Variants in USP25 observed in about 807,000 individuals in gnomAD.
The protein encoded by USP25 is ubiquitin carboxyl-terminal hydrolase 25.
In USP25, 85 loss-of-function variants were observed where a neutral mutation model predicts 158.5. The observed-to-expected ratio is 0.54, with a 90% confidence interval of 0.45 to 0.64. USP25 has a LOEUF of 0.64. USP25 is among the 30% of genes least tolerant of loss of function. The pLI, the probability that USP25 is intolerant of heterozygous loss-of-function variation, is 0.00. For missense variants in USP25, 1,242 were observed against 1,327.3 expected, an observed-to-expected ratio of 0.94 and a Z score of 1.00; for synonymous variants, 464 against 460.4, an observed-to-expected ratio of 1.01 and a Z score of -0.10.
At chr21:15,811,106 A>T in intron 8 of USP25, 31 bp from the exon 9 acceptor site, 1 of 1,577,422 alleles carries the variant, frequency 6.3e-7, no homozygotes. Flanking sequence ...CGAAAATTGT[A>T]ATCACATTTA....
At chr21:15,852,112 C>T (rs1006350406) in intron 20 of USP25, among the ~76,000 whole-genome samples, 1 of 152,088 alleles carries the variant, frequency 6.6e-6, no homozygotes, top group Non-Finnish European at 1.5e-5. Context: ...TAAAAGTTTT[C>T]AAGTTGCTTT....
intron 14 of USP25, among the ~76,000 whole-genome samples, chr21:15,828,502 C>A (rs1379677602): frequency 6.6e-6 from 1 of 152,052 alleles, no homozygotes; most frequent in African/African-American, 2.4e-5. Context: ...AGGGACGAAT[C>A]GAATGATTCT....
At chr21:15,803,990 A>G (rs1234143331) in intron 6 of USP25, among the ~76,000 whole-genome samples, 1 of 151,982 alleles carries the variant, frequency 6.6e-6, no homozygotes, top group Non-Finnish European at 1.5e-5. Context: ...TTTGGAAGAA[A>G]ATTTTCATGT....
chr21:15,867,542 A>G lies in USP25; in HGVS notation c.2805+1198A>G, dbSNP rs942975185. On this transcript the variant is annotated intron_variant, in intron 22 of 25. Transcript: ENST00000400183. ...AATTTTTGTTGTCAAAAGCAAGGCAATGAAAATAAGCGAAAAGTAAAATAC... is the reference window on the plus strand; with the variant it reads ...AATTTTTGTTGTCAAAAGCAAGGCAGTGAAAATAAGCGAAAAGTAAAATAC... 4.0e-4 allele frequency among the ~76,000 whole-genome samples: 61 copies of G among 152,310 alleles called. 1 individual carries two copies. The highest frequency in any genetic ancestry group is 4.3e-4 in the Non-Finnish European group (29 of 67,994).
Position 15,824,516 on chromosome 21 carries a change from T to G in USP25, c.1208+350T>G, listed in dbSNP as rs539108761. ...ATTGTATCTATCTATCTTTCTGTCT[T>G]TCTTTCTGTCTCTCTGTCTTCCTGT... On this transcript the variant is annotated intron_variant, in intron 11 of 25. Transcript: ENST00000400183. Among the ~76,000 whole-genome samples the G allele has an allele frequency of 6.0e-5, 9 of 149,012 alleles. No individual in the cohort carries two copies. The East Asian group carries it at 1.7e-3, about 29-fold the overall frequency.
intron 4 of USP25, among the ~76,000 whole-genome samples, chr21:15,789,459 G>C (rs894359193): frequency 6.6e-6 from 1 of 152,020 alleles, no homozygotes; most frequent in African/African-American, 2.4e-5. Flanking sequence ...AGAAGGATTT[G>C]TTTCTTGTTA....
intron 1 of USP25, among the ~76,000 whole-genome samples, chr21:15,742,107 CTTT>C (rs11339410): frequency 3.6e-5 from 5 of 140,790 alleles, no homozygotes; most frequent in African/African-American, 1.3e-4. Context: ...AAGATACTTC[CTTT>C]TTTTTTTTTT....
At chr21:15,874,660 A>G (rs2040029142) in intron 24 of USP25, 134 bp downstream of exon 24, 2 of 797,936 alleles carry the variant, frequency 2.5e-6, no homozygotes, top group Non-Finnish European at 3.7e-6. Context: ...AACTGGTTCT[A>G]GTCCCTTCAG....
chr21:15,805,213 A>C lies in USP25; in HGVS notation c.735A>C (p.Ala245=). ...GGAAGTATGTTGATCCATCAAGAGC[A>C]GTTGAAATTCTTAAGGATGCTTTCA... ...TKRKYVDPSR[A]VEILKDAFKS... The change falls in exon 7 of 26, where the codon GCA becomes GCC. Residue 245 remains alanine, a synonymous_variant. Transcript: ENST00000400183. The C allele has an allele frequency of 6.2e-7, 1 of 1,607,764 alleles. No homozygotes were observed. The highest frequency in any genetic ancestry group is 2.3e-5 in the East Asian group (1 of 44,434).
In USP25 at chr21:15,878,616, C is replaced by T; in HGVS notation, c.*141C>T. The T allele has an allele frequency of 1.1e-6, 1 of 882,044 alleles. No homozygotes were observed. Among genetic ancestry groups the T allele is most frequent in the Non-Finnish European group, 1.6e-6 (1 of 623,970 alleles). The allele number at this position is 882,044 out of a possible 1,614,324, so 54.6% of individuals were successfully genotyped here. A position where few individuals can be genotyped will look rare whatever the true frequency, so the allele number is the denominator to read the frequency against. On this transcript the variant is annotated 3_prime_UTR_variant, in exon 26 of 26. Transcript: ENST00000400183. The stretch of plus-strand genomic sequence containing the variant: ...AACTGCAAAAGACAAAATGACTATA[C>T]AGACTTTAGTCAGACTGCAGACAAT...
intron 24 of USP25, chr21:15,876,093 A>G (rs1474738159): frequency 1.3e-5 from 2 of 152,172 alleles, no homozygotes; most frequent in African/African-American, 4.8e-5. Context: ...TGCCAAACTT[A>G]CTAGTTTTTC....
intron 12 of USP25, among the ~76,000 whole-genome samples, chr21:15,825,897 A>G (rs1353678937): frequency 6.6e-6 from 1 of 152,186 alleles, no homozygotes; most frequent in Admixed American, 6.5e-5. Flanking sequence ...CAGATCTAAA[A>G]ATAAAAACAG....
At chr21:15,739,472 G>A (rs1325299465) in intron 1 of USP25, among the ~76,000 whole-genome samples, 1 of 152,072 alleles carries the variant, frequency 6.6e-6, no homozygotes, top group African/African-American at 2.4e-5. Context: ...GTGGTGGAGG[G>A]GTGCTGGTAG....
At chr21:15,874,665 C>T (rs1024953891) in intron 24 of USP25, 139 bp downstream of exon 24, 2 of 734,918 alleles carry the variant, frequency 2.7e-6, no homozygotes, top group Non-Finnish European at 4.1e-6. Flanking sequence ...GTTCTAGTCC[C>T]TTCAGATGGA....
intron 4 of USP25, among the ~76,000 whole-genome samples, chr21:15,785,350 A>G (rs9974439): frequency 0.019 from 2,849 of 152,290 alleles, 97 homozygotes; most frequent in African/African-American, 0.062. Flanking sequence ...ATTTAGAAAC[A>G]TGAGACTTAA....
intron 16 of USP25, among the ~76,000 whole-genome samples, chr21:15,831,956 ATCTCCCC>A (rs2037825620): frequency 1.3e-5 from 2 of 152,148 alleles, no homozygotes; most frequent in Non-Finnish European, 2.9e-5. Flanking sequence ...GCCTCTGATT[ATCTCCCC>A]ACCTTCATTG....
Position 15,824,891 on chromosome 21 carries a change from G to A in USP25, c.1209-75G>A, listed in dbSNP as rs888711830. On this transcript the variant is annotated intron_variant, in intron 11 of 25. Transcript: ENST00000400183. ...TTGGCGTCCCAGAGTGGTAGGCCGGGTACGCTGGCATCTGGCCATATTGCA... is the reference window on the plus strand; with the variant it reads ...TTGGCGTCCCAGAGTGGTAGGCCGGATACGCTGGCATCTGGCCATATTGCA... The A allele has an allele frequency of 4.4e-5, 54 of 1,214,528 alleles. No homozygotes were observed. In the African/African-American group the frequency reaches 6.6e-4, roughly 15 times the overall value. 75.2% of individuals were successfully genotyped at this position (1,214,528 alleles called of 1,614,324 possible).
intron 1 of USP25, among the ~76,000 whole-genome samples, chr21:15,746,946 G>A (rs1213537312): frequency 6.6e-6 from 1 of 152,022 alleles, no homozygotes; most frequent in African/African-American, 2.4e-5. Flanking sequence ...TACTAAGTAT[G>A]GTTTTAGTTG....
At position 15,778,441 on chromosome 21, in the gene USP25, C is replaced by T. The variant is rs73185428; in HGVS notation, c.392+414C>T. Among the ~76,000 whole-genome samples the T allele has an allele frequency of 2.9e-3, 445 of 152,152 alleles. 3 individuals carry two copies. Among genetic ancestry groups the T allele is most frequent in the Middle Eastern group, 6.8e-3 (2 of 294 alleles). On this transcript the variant is annotated intron_variant, in intron 4 of 25. Coordinates refer to ENST00000400183, the MANE Select transcript of USP25 (RefSeq NM_001283041.3). ...TAGCTATTCAGCTCTGGTGTCATAA[C>T]GCAAAAGCAGCTATAGCTGATAAAT... is the stretch of plus-strand genomic sequence containing the variant.
Sources: gnomAD v4.1 joint callset for allele counts (sites outside exome capture counted in the v4.1 genomes callset) on GRCh38, gnomAD v4.1.1 for gene constraint, MANE v1.5 for transcripts, NCBI Gene and HGNC (gene_info 2026-07-23, HGNC 2026-07-21) for gene names.